RIN3: variants seen among roughly 807,000 people sequenced by gnomAD.
The protein encoded by RIN3 is Ras and Rab interactor 3.
Under a neutral mutation model 76.3 loss-of-function variants are expected in RIN3, and 54 were observed. The ratio of observed to expected loss-of-function variants is 0.71; its 90% CI spans 0.57 to 0.89. The LOEUF is 0.89. Among genes scored for constraint, RIN3 ranks in the 40% least tolerant of loss-of-function variants. RIN3 has a pLI of 0.00. For missense variants in RIN3, 1,256 were observed against 1,322.1 expected, an observed-to-expected ratio of 0.95 and a Z score of 0.78; for synonymous variants, 576 against 564.0, an observed-to-expected ratio of 1.02 and a Z score of -0.30.
chr14:92,617,750 A>C (rs2140105961), intron 4 of RIN3, among the ~76,000 whole-genome samples: 1 of 152,310 alleles, frequency 6.6e-6, no homozygotes, highest in Non-Finnish European at 1.5e-5. Flanking sequence ...AATTTCTATA[A>C]TCTTCATTTG....
intron 1 of RIN3, among the ~76,000 whole-genome samples, chr14:92,547,047 TATAATAAAATAAA>T (rs1897285113): frequency 8.3e-6 from 1 of 120,050 alleles, no homozygotes; most frequent in African/African-American, 2.9e-5. Context: ...TTTATTTTAT[TATAATAAAATAAA>T]TTATATTTTA....
At chr14:92,536,101 G>C (rs1379775843) in intron 1 of RIN3, among the ~76,000 whole-genome samples, 2 of 152,194 alleles carry the variant, frequency 1.3e-5, no homozygotes, top group African/African-American at 2.4e-5. Flanking sequence ...TGTCCCTGCA[G>C]TAATGTCACA....
intron 9 of RIN3, 93 bp from the exon 10 acceptor site, chr14:92,687,833 C>T (rs1888921983): frequency 3.4e-6 from 4 of 1,192,984 alleles, no homozygotes; most frequent in Non-Finnish European, 3.4e-6. Flanking sequence ...GCGCCCGCCA[C>T]CCGCTATCCA....
chr14:92,614,911 T>C (rs1885894084), intron 3 of RIN3, among the ~76,000 whole-genome samples: 1 of 149,478 alleles, frequency 6.7e-6, no homozygotes, highest in Non-Finnish European at 1.5e-5. Flanking sequence ...TGGTGCAGTC[T>C]CGGCTCTCTG....
At chr14:92,560,918 G>A (rs1485421261) in intron 2 of RIN3, among the ~76,000 whole-genome samples, 2 of 148,492 alleles carry the variant, frequency 1.3e-5, no homozygotes, top group African/African-American at 5.0e-5. Flanking sequence ...TACTCAGGAG[G>A]CTGAGGCAGG....
chr14:92,578,953 G>A (rs1333236185), intron 3 of RIN3, among the ~76,000 whole-genome samples: 4 of 151,382 alleles, frequency 2.6e-5, no homozygotes, highest in South Asian at 2.1e-4. Context: ...TTGAGATGGA[G>A]TTTCGCTCTT....
chr14:92,555,788 G>A lies in RIN3; in HGVS notation c.82G>A (p.Glu28Lys). 1 of 1,614,200 alleles carries A rather than the reference G, an allele frequency of 6.2e-7. No individual in the cohort carries two copies. The highest frequency in any genetic ancestry group is 8.5e-7 in the Non-Finnish European group (1 of 1,180,044). The change falls in exon 2 of 10, where the codon GAG becomes AAG. Residue 28 changes from glutamate (E) to lysine (K), a missense_variant. By Grantham distance (56) the Glu-to-Lys change is moderately conservative (BLOSUM62 1). This residue lies in a region of RIN3 where 610 missense variants were observed against 626.4 expected (regional missense o/e 0.97). Transcript: ENST00000216487. ...TGTTGGCAAAGGAGAGGAAGAGGAA[G>A]AGGAAGATGGCATGCGGCTTTGTCT... ...PVVGKGEEEE[E>K]EDGMRLCLPA...
At chr14:92,533,579 G>A (rs1327521760) in intron 1 of RIN3, among the ~76,000 whole-genome samples, 1 of 152,184 alleles carries the variant, frequency 6.6e-6, no homozygotes, top group South Asian at 2.1e-4. Context: ...AACCTGGATG[G>A]AACTGGAGAC....
At position 92,653,050 on chromosome 14, in the gene RIN3, C is replaced by T. The variant is rs200763105; in HGVS notation, c.2001C>T (p.Pro667=). The stretch of plus-strand genomic sequence containing the variant: ...CCGAGCTCAAGGCCCTGGTGGACCC[C>T]GCCCTGCACTCCGAGGAGGAGCTCG... ...QSTELKALVD[P]ALHSEEELEA... Residue 667 remains proline, a synonymous_variant, in exon 6 of 10, where the codon CCC becomes CCT. Coordinates refer to ENST00000216487, the MANE Select transcript of RIN3 (RefSeq NM_024832.5). 131 of 1,606,174 alleles carry T rather than the reference C, an allele frequency of 8.2e-5. No homozygotes were observed. The highest frequency in any genetic ancestry group is 9.8e-5 in the Non-Finnish European group (116 of 1,179,238).
chr14:92,557,532 G>A (rs970715029), intron 2 of RIN3, among the ~76,000 whole-genome samples: 4 of 152,192 alleles, frequency 2.6e-5, no homozygotes, highest in Admixed American at 6.5e-5. Context: ...CGTTCACCTC[G>A]GACGAGGTAA....
At chr14:92,665,370 CTTTTTTTTTTTT>C (rs55818571) in intron 7 of RIN3, among the ~76,000 whole-genome samples, 2 of 83,580 alleles carry the variant, frequency 2.4e-5, no homozygotes, top group African/African-American at 1.0e-4. Flanking sequence ...GCCTTTGTCT[CTTTTTTTTTTTT>C]TTTTTTTTTT....
At chr14:92,675,746 T>C (rs1888437543) in intron 7 of RIN3, among the ~76,000 whole-genome samples, 1 of 152,194 alleles carries the variant, frequency 6.6e-6, no homozygotes, top group Non-Finnish European at 1.5e-5. Context: ...CGTTGCCAAA[T>C]GGGCAATCTT....
rs930817133 is a variant in RIN3 at position 92,681,227 on chromosome 14, C to G, written c.2468-3760C>G. Among the ~76,000 whole-genome samples, 3 of 152,174 alleles carry G rather than the reference C, an allele frequency of 2.0e-5. No individual in the cohort carries two copies. ...AGAGAGAAAAGCCTGCTCCAGAACT[C>G]ACGGTAGGGCCGCCTGCCACCTAGT... On this transcript the variant is annotated intron_variant, in intron 8 of 9. Transcript: ENST00000216487. The surrounding 1 kb of genome is among the most constrained non-coding windows in gnomAD (Gnocchi z 4.7).
intron 2 of RIN3, among the ~76,000 whole-genome samples, chr14:92,574,635 T>A (rs1275161501): frequency 6.6e-6 from 1 of 152,196 alleles, no homozygotes. Flanking sequence ...CCTCACTATC[T>A]GCCTAAATAA....
At chr14:92,671,326 G>A (rs117714107) in intron 7 of RIN3, among the ~76,000 whole-genome samples, 2 of 152,116 alleles carry the variant, frequency 1.3e-5, no homozygotes, top group East Asian at 1.9e-4. Context: ...GTCCCAGGAG[G>A]GGGGGAACTG....
intron 4 of RIN3, among the ~76,000 whole-genome samples, chr14:92,635,783 G>A (rs1406865010): frequency 6.6e-6 from 1 of 152,120 alleles, no homozygotes; most frequent in Non-Finnish European, 1.5e-5. Flanking sequence ...AACCCAGGAG[G>A]CGGAGGTTGC....
chr14:92,550,980 CT>C (rs2140029638), intron 1 of RIN3, among the ~76,000 whole-genome samples: 1 of 152,298 alleles, frequency 6.6e-6, no homozygotes, highest in Non-Finnish European at 1.5e-5. Flanking sequence ...TTTTCTCTAT[CT>C]GTTTTGTTAC....
intron 2 of RIN3, among the ~76,000 whole-genome samples, chr14:92,572,233 C>T (rs1265873524): frequency 6.6e-6 from 1 of 152,208 alleles, no homozygotes; most frequent in African/African-American, 2.4e-5. Context: ...CAGTGGTCCG[C>T]CAGCACTTGG....
At chr14:92,560,719 C>G (rs1305725499) in intron 2 of RIN3, among the ~76,000 whole-genome samples, 1 of 151,948 alleles carries the variant, frequency 6.6e-6, no homozygotes, top group Non-Finnish European at 1.5e-5. Context: ...GTCATTGTTT[C>G]TAAAGATACA....
Sources: allele counts gnomAD v4.1 joint callset (sites outside exome capture counted in the v4.1 genomes callset), GRCh38; gene constraint gnomAD v4.1.1; regional missense constraint gnomAD v4.1.1; non-coding constraint Gnocchi (gnomAD v3.1); transcripts MANE v1.5; gene names NCBI Gene and HGNC (gene_info 2026-07-23, HGNC 2026-07-21).